PHC2: variants seen among roughly 807,000 people sequenced by gnomAD.
PHC2 encodes the protein polyhomeotic homolog 2.
A neutral mutation model predicts 87.4 loss-of-function variants in PHC2; 29 were observed. That is an observed-to-expected ratio of 0.33 (90% CI 0.25 to 0.45). The LOEUF is 0.45. Ranked by LOEUF, PHC2 falls within the 20% of genes least tolerant of loss-of-function variation. The pLI, the probability that PHC2 is intolerant of heterozygous loss-of-function variation, is 1.00. For missense variants in PHC2, 857 were observed against 1,136.7 expected, an observed-to-expected ratio of 0.75 and a Z score of 3.54; for synonymous variants, 438 against 461.7, an observed-to-expected ratio of 0.95 and a Z score of 0.66.
At chr1:33,325,844 C>T in intron 14 of PHC2, 1 of 456,510 alleles carries the variant, frequency 2.2e-6, no homozygotes, top group South Asian at 1.5e-5. Flanking sequence ...TGGGCGTGGC[C>T]TCAGAACTGG....
chr1:33,366,730 G>T (rs891222153), intron 7 of PHC2, among the ~76,000 whole-genome samples: 1 of 152,206 alleles, frequency 6.6e-6, no homozygotes, highest in African/African-American at 2.4e-5. Flanking sequence ...CCATCTCTCT[G>T]TCTGGTTCTT....
intron 14 of PHC2, chr1:33,326,006 G>C (rs908404429): frequency 7.6e-6 from 3 of 395,148 alleles, no homozygotes; most frequent in African/African-American, 6.3e-5. Context: ...GGAAGAAACA[G>C]GGTCTCTGTT....
In PHC2 at chr1:33,375,444, G is replaced by A; in HGVS notation, c.96C>T (p.Ser32=). 6.2e-7 allele frequency: 1 copy of A among 1,612,514 alleles called. No individual in the cohort carries two copies. Among genetic ancestry groups the A allele is most frequent in the Non-Finnish European group, 8.5e-7 (1 of 1,179,376 alleles). Residue 32 remains serine (S), a synonymous_variant, in exon 2 of 15, where the codon AGC becomes AGT. Coordinates refer to ENST00000683057, the MANE Select transcript of PHC2 (RefSeq NM_001385109.1). ...TGGGGCGGCCACTTCCACCACTGCT[G>A]CTGTTGTTGCAGCCACTGCTGCTAC... ...GASSSSGCNN[S]SSGGSGRPTG...
At chr1:33,388,995 T>C (rs1248252992) in intron 1 of PHC2, among the ~76,000 whole-genome samples, 1 of 151,242 alleles carries the variant, frequency 6.6e-6, no homozygotes, top group East Asian at 1.9e-4. Flanking sequence ...TAGTCCTGGC[T>C]TGGACACAAA....
chr1:33,397,003 G>A (rs1649322969), intron 1 of PHC2, among the ~76,000 whole-genome samples: 2 of 152,186 alleles, frequency 1.3e-5, no homozygotes, highest in Admixed American at 1.3e-4. Flanking sequence ...CAGATGGTCT[G>A]TGGGAAGGCC....
At chr1:33,367,045 T>C in intron 7 of PHC2, 71 bp downstream of exon 7, 1 of 1,310,574 alleles carries the variant, frequency 7.6e-7, no homozygotes, top group Non-Finnish European at 1.1e-6. Flanking sequence ...AAAAGGAAAG[T>C]GTGAAAGTCT....
chr1:33,342,318 G>A (rs1646759035), intron 9 of PHC2, among the ~76,000 whole-genome samples: 1 of 152,156 alleles, frequency 6.6e-6, no homozygotes, highest in Non-Finnish European at 1.5e-5. Context: ...GCAGGGAGGG[G>A]GCTCCTCCCA....
At chr1:33,393,463 G>GTTTTTTTTTTTTTTTTT (rs36030279) in intron 1 of PHC2, among the ~76,000 whole-genome samples, 5 of 131,046 alleles carry the variant, frequency 3.8e-5, no homozygotes, top group African/African-American at 8.7e-5. Context: ...TTTTCAAGAG[G>GTTTTTTTTTTTTTTTTT]TTTTTTTTTT....
intron 1 of PHC2, among the ~76,000 whole-genome samples, chr1:33,424,716 G>A (rs1650597566): frequency 6.6e-6 from 1 of 152,130 alleles, no homozygotes; most frequent in Non-Finnish European, 1.5e-5. Context: ...TTCAGGTAGA[G>A]AAAATAATAT....
Position 33,370,612 on chromosome 1 carries a change from A to G in PHC2, c.412-27T>C, listed in dbSNP as rs1647766603. 3 of 1,593,658 alleles carry G rather than the reference A, an allele frequency of 1.9e-6. No individual in the cohort carries two copies. The East Asian group carries it at 6.8e-5, about 36-fold the overall frequency. Reference sequence around the variant, plus strand: ...TAATGAGAGAGACATGTGCGGTAGGAGATAGGAGGTTCTGTTGGTGAGCTG... The same window carrying G: ...TAATGAGAGAGACATGTGCGGTAGGGGATAGGAGGTTCTGTTGGTGAGCTG... On this transcript the variant is annotated intron_variant, in intron 4 of 14. Coordinates refer to ENST00000683057, the MANE Select transcript of PHC2 (RefSeq NM_001385109.1).
intron 9 of PHC2, among the ~76,000 whole-genome samples, chr1:33,337,297 C>T (rs1024111748): frequency 2.6e-5 from 4 of 152,348 alleles, no homozygotes; most frequent in African/African-American, 7.2e-5. Context: ...AAGAAACTCA[C>T]TACTCTGGAA....
chr1:33,346,749 C>G, intron 9 of PHC2: 2 of 985,322 alleles, frequency 2.0e-6, no homozygotes, highest in Non-Finnish European at 2.4e-6. Flanking sequence ...GAACGCCTGG[C>G]CTGAGGTCCA....
chr1:33,327,458 G>C (rs1187276862), intron 14 of PHC2, among the ~76,000 whole-genome samples: 1 of 152,096 alleles, frequency 6.6e-6, no homozygotes, highest in Admixed American at 6.5e-5. Flanking sequence ...AATTTCTGGG[G>C]GTCATGGTGA....
Position 33,370,508 on chromosome 1 carries a change from G to A in PHC2, c.489C>T (p.Gly163=), listed in dbSNP as rs551596606. Reference sequence around the variant, plus strand: ...CCAAGAGCACAGCCTGCTGAGCGATGCCTGAGGCTGCTGCAGAGTTCACAC... The same window carrying A: ...CCAAGAGCACAGCCTGCTGAGCGATACCTGAGGCTGCTGCAGAGTTCACAC... The part of the protein sequence containing the change: ...AQSVNSAAAS[G]IAQQAVLLGN... Residue 163 remains glycine, a synonymous_variant, in exon 5 of 15, where the codon GGC becomes GGT. Coordinates refer to ENST00000683057, the MANE Select transcript of PHC2 (RefSeq NM_001385109.1). 4 of 1,614,062 alleles carry A rather than the reference G, an allele frequency of 2.5e-6. No individual in the cohort carries two copies. The highest frequency in any genetic ancestry group is 1.3e-5 in the African/African-American group (1 of 75,048).
chr1:33,327,988 G>A (rs1646408058), intron 14 of PHC2, among the ~76,000 whole-genome samples: 1 of 152,254 alleles, frequency 6.6e-6, no homozygotes, highest in Non-Finnish European at 1.5e-5. Context: ...ACTAGGTTAA[G>A]TGACAGAGCC....
intron 2 of PHC2, among the ~76,000 whole-genome samples, chr1:33,373,515 C>T (rs1321095278): frequency 6.6e-6 from 1 of 152,038 alleles, no homozygotes; most frequent in Non-Finnish European, 1.5e-5. Context: ...TCCTTCTTTC[C>T]TGATGGGATT....
In PHC2 at chr1:33,382,181, C is replaced by A. The variant is rs1228026810; in HGVS notation, c.-54-6588G>T. ...AACAGCTTTAAAACTTTTTTTTCTA[C>A]AGTTCCCCTTTTTGAACCAGAGCTT... On this transcript the variant is annotated intron_variant, in intron 1 of 14. Transcript: ENST00000683057. The surrounding 1 kb of genome is among the most constrained non-coding windows in gnomAD (Gnocchi z 4.3). 1.3e-5 allele frequency among the ~76,000 whole-genome samples: 2 copies of A among 152,026 alleles called. No homozygotes were observed. Among genetic ancestry groups the A allele is most frequent in the Non-Finnish European group, 2.9e-5 (2 of 67,998 alleles).
intron 1 of PHC2, among the ~76,000 whole-genome samples, chr1:33,424,027 C>T (rs1424400538): frequency 1.5e-5 from 1 of 66,536 alleles, no homozygotes; most frequent in East Asian, 5.6e-4. Context: ...ACCTGGGAGG[C>T]GGAGGTGGTG....
intron 7 of PHC2, among the ~76,000 whole-genome samples, chr1:33,365,571 G>A (rs1647401851): frequency 6.6e-6 from 1 of 152,210 alleles, no homozygotes; most frequent in Non-Finnish European, 1.5e-5. Flanking sequence ...CATTGAAAGA[G>A]CCCCCAGTCT....
Sources: gnomAD v4.1 joint callset for allele counts (sites outside exome capture counted in the v4.1 genomes callset) on GRCh38, gnomAD v4.1.1 for gene constraint, Gnocchi (gnomAD v3.1) non-coding constraint, MANE v1.5 for transcripts, NCBI Gene and HGNC (gene_info 2026-07-23, HGNC 2026-07-21) for gene names.